Variants in DCLRE1C observed in about 807,000 individuals in gnomAD.
DCLRE1C encodes protein artemis.
Under a neutral mutation model 61.4 loss-of-function variants are expected in DCLRE1C, and 47 were observed. The observed-to-expected ratio is 0.77, with a 90% CI of 0.61 to 0.98. DCLRE1C has a LOEUF of 0.98. DCLRE1C is among the 50% of genes least tolerant of loss of function. DCLRE1C has a pLI of 0.00. For synonymous variants in DCLRE1C, 337 were observed against 287.6 expected, an observed-to-expected ratio of 1.17 and a Z score of -1.74; for missense variants, 858 against 816.0, an observed-to-expected ratio of 1.05 and a Z score of -0.63.
intron 4 of DCLRE1C, among the ~76,000 whole-genome samples, chr10:14,936,901 A>T (rs1840026540): frequency 6.6e-6 from 1 of 152,230 alleles, no homozygotes; most frequent in African/African-American, 2.4e-5. Context: ...AGGTGGAACC[A>T]GTTCAAATGT....
At chr10:14,954,409 G>A (rs1842877986), upstream of DCLRE1C, 2 of 326,546 alleles carry the variant, frequency 6.1e-6, no homozygotes, top group South Asian at 5.6e-5. Context: ...GCGGAACTGC[G>A]CTTAGAAATC....
intron 10 of DCLRE1C, among the ~76,000 whole-genome samples, chr10:14,927,272 G>A (rs1806024791): frequency 6.6e-6 from 1 of 151,984 alleles, no homozygotes; most frequent in Non-Finnish European, 1.5e-5. Flanking sequence ...TGTAATCCCA[G>A]CTACTAGTGA....
At chr10:14,937,351 T>A (rs543170912) in intron 4 of DCLRE1C, among the ~76,000 whole-genome samples, 3 of 150,518 alleles carry the variant, frequency 2.0e-5, no homozygotes, top group South Asian at 4.2e-4. Context: ...GATGGTGTGA[T>A]CTTGGCTCAC....
chr10:14,948,711 GT>G (rs202118806), intron 2 of DCLRE1C, among the ~76,000 whole-genome samples: 2 of 150,728 alleles, frequency 1.3e-5, no homozygotes, highest in African/African-American at 2.5e-5. Flanking sequence ...CTCCATCTCT[GT>G]TTTTTTTGTT....
chr10:14,933,261 C>T (rs1186276102), intron 8 of DCLRE1C, among the ~76,000 whole-genome samples: 1 of 152,156 alleles, frequency 6.6e-6, no homozygotes, highest in Non-Finnish European at 1.5e-5. Flanking sequence ...GTTAATATTC[C>T]TCGTACACCT....
rs1190921257 is a variant in DCLRE1C at position 14,908,702 on chromosome 10, T to TA, written c.1784dup (p.Ile596AsnfsTer9). 18 of 1,614,114 alleles carry TA rather than the reference T, an allele frequency of 1.1e-5. No homozygotes were observed. The highest frequency in any genetic ancestry group is 5.0e-5 in the Admixed American group (3 of 60,008). ...CAGAGTAAGTATCCTTTGGGCAAAT[T>TA]ACATTTTGTTCCATGAGAGAGGCAG... is the stretch of plus-strand genomic sequence containing the variant. On this transcript the variant is annotated frameshift_variant, in exon 14 of 14. Coordinates refer to ENST00000378278, the MANE Select transcript of DCLRE1C (RefSeq NM_001033855.3). LOFTEE classifies it low-confidence loss of function (END_TRUNC).
chr10:14,899,664 G>A (rs1304786537), downstream of DCLRE1C: 1 of 1,613,698 alleles, frequency 6.2e-7, no homozygotes, highest in Admixed American at 1.7e-5. Flanking sequence ...ACGGCAATGT[G>A]TCTCATTTTG....
At position 14,907,636 on chromosome 10, in the gene DCLRE1C, T is replaced by C. The variant is rs773288131; in HGVS notation, c.*772A>G. Among the ~76,000 whole-genome samples the C allele has an allele frequency of 1.3e-5, 2 of 152,128 alleles. No individual in the cohort carries two copies. The highest frequency in any genetic ancestry group is 2.9e-5 in the Non-Finnish European group (2 of 68,028). ...TTGTCTTCTTGGTGAACTAGACCTT[T>C]TATCATTAGGAAACTGTCCATATAA... On this transcript the variant is annotated 3_prime_UTR_variant, in exon 14 of 14. Coordinates refer to ENST00000378278, the MANE Select transcript of DCLRE1C (RefSeq NM_001033855.3).
intron 9 of DCLRE1C, 86 bp downstream of exon 9, chr10:14,932,768 C>T (rs1026612658): frequency 3.9e-5 from 58 of 1,485,236 alleles, no homozygotes; most frequent in Non-Finnish European, 4.6e-5. Context: ...ATTTGTAAAG[C>T]GAAGAGCCTA....
At chr10:14,928,279 C>A in intron 9 of DCLRE1C, 127 bp from the exon 10 acceptor site, 30 of 824,708 alleles carry the variant, frequency 3.6e-5, no homozygotes. Context: ...AAAAAAGCAG[C>A]AAAACAATGT....
chr10:14,927,465 G>A (rs1201033568), intron 10 of DCLRE1C, among the ~76,000 whole-genome samples: 1 of 150,872 alleles, frequency 6.6e-6, no homozygotes, highest in Non-Finnish European at 1.5e-5. Flanking sequence ...AGGAAATGTT[G>A]CTAAAATATT....
intron 13 of DCLRE1C, chr10:14,911,411 T>G (rs919946303): frequency 6.6e-6 from 1 of 152,244 alleles, no homozygotes; most frequent in Non-Finnish European, 1.5e-5. Context: ...TCAAGAATGT[T>G]TTTAGAAATC....
chr10:14,906,518 G>A lies in DCLRE1C; in HGVS notation c.*1890C>T, dbSNP rs1834407153. On this transcript the variant is annotated 3_prime_UTR_variant, in exon 14 of 14. Coordinates refer to ENST00000378278, the MANE Select transcript of DCLRE1C (RefSeq NM_001033855.3). ...TTTGAACAACCACTTTCGATCATAA[G>A]GTACACTGTTAAAACTAAGTTTTAG... 6.6e-6 allele frequency among the ~76,000 whole-genome samples: 1 copy of A among 152,190 alleles called. No individual in the cohort carries two copies. Among genetic ancestry groups the A allele is most frequent in the African/African-American group, 2.4e-5 (1 of 41,452 alleles).
intron 13 of DCLRE1C, among the ~76,000 whole-genome samples, chr10:14,912,544 GATAA>G (rs370062060): frequency 1.1e-3 from 163 of 152,280 alleles, no homozygotes; most frequent in African/African-American, 3.6e-3. Context: ...CTGGTGAGTG[GATAA>G]ATAAAATGTT....
chr10:14,929,390 C>T (rs895627252), intron 9 of DCLRE1C, among the ~76,000 whole-genome samples: 17 of 148,536 alleles, frequency 1.1e-4, no homozygotes, highest in Non-Finnish European at 1.9e-4. Flanking sequence ...GGCAACGGAG[C>T]GAAACTCTAT....
intron 3 of DCLRE1C, among the ~76,000 whole-genome samples, chr10:14,940,749 C>G (rs1379523286): frequency 1.3e-5 from 2 of 152,158 alleles, no homozygotes; most frequent in Admixed American, 6.5e-5. Context: ...CTTACAGTGT[C>G]TAAGGTTTGG....
chr10:14,950,371 A>C (rs1331721696), intron 1 of DCLRE1C, among the ~76,000 whole-genome samples: 2 of 151,772 alleles, frequency 1.3e-5, no homozygotes, highest in East Asian at 1.9e-4. Flanking sequence ...AAAAAAAAAA[A>C]AAAAACAAGA....
chr10:14,927,429 G>A (rs1405012867), intron 10 of DCLRE1C, among the ~76,000 whole-genome samples: 1 of 151,424 alleles, frequency 6.6e-6, no homozygotes, highest in Non-Finnish European at 1.5e-5. Context: ...GGGACCTCTT[G>A]CAGATATTCT....
intron 4 of DCLRE1C, among the ~76,000 whole-genome samples, chr10:14,939,112 G>C (rs1355158529): frequency 6.6e-6 from 1 of 152,108 alleles, no homozygotes; most frequent in African/African-American, 2.4e-5. Flanking sequence ...CCTTTACTAT[G>C]GGAGGACACA....
Sources: gnomAD v4.1 joint callset for allele counts (sites outside exome capture counted in the v4.1 genomes callset) on GRCh38, gnomAD v4.1.1 for gene constraint, MANE v1.5 for transcripts, NCBI Gene and HGNC (gene_info 2026-07-23, HGNC 2026-07-21) for gene names.